The following SGCZ variants were observed in gnomAD, a reference collection of about 807,000 sequenced individuals.
SGCZ encodes zeta-sarcoglycan.
In SGCZ, 40 loss-of-function variants were observed where a neutral mutation model predicts 41.3. The observed-to-expected ratio is 0.97, with a 90% confidence interval of 0.75 to 1.26. SGCZ has a LOEUF of 1.26. Among genes scored for constraint, SGCZ ranks in the 50% most tolerant of loss-of-function variants. The probability of loss-of-function intolerance (pLI) is 0.00; values close to 1 mark genes in which losing one functional copy is unlikely to be tolerated. For missense variants in SGCZ, 552 were observed against 369.8 expected (o/e 1.49, Z -4.04); for synonymous variants, 206 against 137.5 (o/e 1.50, Z -3.49).
chr8:14,894,511 C>T (rs961923960), intron 1 of SGCZ, among the ~76,000 whole-genome samples: 2 of 152,134 alleles, frequency 1.3e-5, no homozygotes, highest in Non-Finnish European at 2.9e-5. Context: ...CAAATTTGCT[C>T]CCCAAGGGTC....
Position 15,149,078 on chromosome 8 carries a change from G to T in SGCZ, c.39+88507C>A, listed in dbSNP as rs566143294. On this transcript the variant is annotated intron_variant, in intron 1 of 7. Coordinates refer to ENST00000382080, the MANE Select transcript of SGCZ (RefSeq NM_139167.4). ...AAAGGAGGGAATTCTGTAAGTGTCT[G>T]TTAAGTGTCCCTGTTTTGAAGATGC... Among the ~76,000 whole-genome samples the T allele has an allele frequency of 3.7e-4, 56 of 152,282 alleles. 1 individual carries two copies. The highest frequency in any genetic ancestry group is 7.3e-4 in the Non-Finnish European group (50 of 68,034).
intron 4 of SGCZ, among the ~76,000 whole-genome samples, chr8:14,178,416 AT>A (rs1211293714): frequency 6.6e-6 from 1 of 152,206 alleles, no homozygotes; most frequent in Non-Finnish European, 1.5e-5. Context: ...TAGATTACCT[AT>A]TGAGGCTAGC....
chr8:15,234,247 A>G (rs1445533559), intron 1 of SGCZ, among the ~76,000 whole-genome samples: 1 of 152,212 alleles, frequency 6.6e-6, no homozygotes, highest in Non-Finnish European at 1.5e-5. Context: ...TCGACTGCTA[A>G]AAGGCACCCA....
intron 3 of SGCZ, among the ~76,000 whole-genome samples, chr8:14,292,805 A>G (rs1427008): frequency 0.23 from 35,064 of 151,880 alleles, 4,348 homozygotes; most frequent in East Asian, 0.35. Context: ...TGAGAATTAC[A>G]TGAAAAAGTA....
chr8:14,976,301 G>A (rs553855247), intron 1 of SGCZ, among the ~76,000 whole-genome samples: 1 of 152,074 alleles, frequency 6.6e-6, no homozygotes, highest in South Asian at 2.1e-4. Flanking sequence ...AGGATTACAG[G>A]TGTCAGCCAC....
At chr8:14,108,383 A>G (rs1802273057) in intron 5 of SGCZ, 148 bp from the exon 6 acceptor site, 1 of 653,402 alleles carries the variant, frequency 1.5e-6, no homozygotes, top group Admixed American at 2.7e-5. Flanking sequence ...CACTGCTGAT[A>G]AAGACATATC....
At chr8:14,878,159 G>C (rs1048096092) in intron 1 of SGCZ, among the ~76,000 whole-genome samples, 32 of 151,260 alleles carry the variant, frequency 2.1e-4, no homozygotes, top group African/African-American at 6.8e-4. Context: ...GTTTACACTT[G>C]AAAGCCAAAT....
chr8:14,284,739 AT>A (rs1010538715), intron 3 of SGCZ, among the ~76,000 whole-genome samples: 1 of 151,864 alleles, frequency 6.6e-6, no homozygotes, highest in South Asian at 2.1e-4. Context: ...TTAATTTGGA[AT>A]TTTTTTTAAT....
At chr8:14,818,014 T>C (rs925572838) in intron 1 of SGCZ, among the ~76,000 whole-genome samples, 1 of 152,168 alleles carries the variant, frequency 6.6e-6, no homozygotes, top group African/African-American at 2.4e-5. Context: ...CCCAATAGTC[T>C]GTATGACAGC....
Position 15,231,901 on chromosome 8 carries a change from C to T in SGCZ, c.39+5684G>A, listed in dbSNP as rs140748809. On this transcript the variant is annotated intron_variant, in intron 1 of 7. Transcript: ENST00000382080. ...CCTTCCAAAGTGTTGGGATTACAGG[C>T]GTGAGCCACCATGCCCGGCCTAAAA... Among the ~76,000 whole-genome samples, 458 of 152,154 alleles carry T rather than the reference C, an allele frequency of 3.0e-3. 1 individual carries two copies. The highest frequency in any genetic ancestry group is 0.011 in the African/African-American group (444 of 41,496).
At chr8:15,086,527 C>T (rs1805955620) in intron 1 of SGCZ, among the ~76,000 whole-genome samples, 1 of 151,998 alleles carries the variant, frequency 6.6e-6, no homozygotes, top group African/African-American at 2.4e-5. Context: ...TCTTCTCTTC[C>T]ACAATGCAAT....
chr8:14,486,687 C>G (rs1379901309), intron 2 of SGCZ, among the ~76,000 whole-genome samples: 1 of 152,186 alleles, frequency 6.6e-6, no homozygotes, highest in Non-Finnish European at 1.5e-5. Flanking sequence ...AATGCTGCGC[C>G]TCAGCCTTCC....
intron 2 of SGCZ, among the ~76,000 whole-genome samples, chr8:14,353,185 C>T (rs1348806628): frequency 6.6e-6 from 1 of 150,894 alleles, no homozygotes; most frequent in African/African-American, 2.5e-5. Context: ...TGTTCCTCTT[C>T]ATGGAGTTGG....
At chr8:14,525,612 A>G (rs959798627) in intron 2 of SGCZ, among the ~76,000 whole-genome samples, 2 of 152,122 alleles carry the variant, frequency 1.3e-5, no homozygotes, top group Non-Finnish European at 2.9e-5. Flanking sequence ...CTCCACTCAT[A>G]TATACTTCTT....
intron 1 of SGCZ, among the ~76,000 whole-genome samples, chr8:14,999,537 T>C (rs1415496525): frequency 6.6e-6 from 1 of 152,124 alleles, no homozygotes; most frequent in Admixed American, 6.5e-5. Flanking sequence ...GCAATACTTA[T>C]TAGGGTCGAG....
chr8:14,799,604 C>G (rs987080465), intron 1 of SGCZ, among the ~76,000 whole-genome samples: 1 of 152,142 alleles, frequency 6.6e-6, no homozygotes, highest in African/African-American at 2.4e-5. Context: ...AGTTCCCCTT[C>G]TGAACTAAGA....
At chr8:14,157,355 T>TGTGTGA (rs1554469404) in intron 5 of SGCZ, among the ~76,000 whole-genome samples, 130 of 132,686 alleles carry the variant, frequency 9.8e-4, no homozygotes, top group Admixed American at 1.4e-3. Flanking sequence ...TGTGTGTGTG[T>TGTGTGA]GTGTGTGTGA....
chr8:14,948,753 C>CT (rs1800535740), intron 1 of SGCZ, among the ~76,000 whole-genome samples: 1 of 152,180 alleles, frequency 6.6e-6, no homozygotes, highest in African/African-American at 2.4e-5. Context: ...TTCTTGAACT[C>CT]TTTCCTATTC....
At chr8:14,440,932 G>C (rs1800242855) in intron 2 of SGCZ, among the ~76,000 whole-genome samples, 1 of 151,912 alleles carries the variant, frequency 6.6e-6, no homozygotes, top group African/African-American at 2.4e-5. Context: ...TCTCCTGTTA[G>C]TAAGTCTAAG....
Sources: allele counts gnomAD v4.1 joint callset (sites outside exome capture counted in the v4.1 genomes callset), GRCh38; gene constraint gnomAD v4.1.1; transcripts MANE v1.5; gene names NCBI Gene and HGNC (gene_info 2026-07-23, HGNC 2026-07-21).